SNTG1: variants seen among roughly 807,000 people sequenced by gnomAD.
The protein encoded by SNTG1 is syntrophin gamma 1, also known as gamma-1-syntrophin.
In SNTG1, 39 loss-of-function variants were observed where a neutral mutation model predicts 74.7. That is an observed-to-expected ratio of 0.52 (90% CI 0.40 to 0.68). The LOEUF is 0.68. SNTG1 is among the 30% of genes least tolerant of loss of function. The pLI is 0.00. For missense variants in SNTG1, 685 were observed against 609.5 expected (o/e 1.12, Z -1.30); for synonymous variants, 254 against 217.1 (o/e 1.17, Z -1.49).
intron 1 of SNTG1, among the ~76,000 whole-genome samples, chr8:49,956,785 A>G (rs1810215733): frequency 6.6e-6 from 1 of 152,136 alleles, no homozygotes; most frequent in South Asian, 2.1e-4. Flanking sequence ...AAACAAAGAA[A>G]AAAAATGGGA....
intron 2 of SNTG1, among the ~76,000 whole-genome samples, chr8:50,197,842 C>T (rs1394848219): frequency 6.6e-6 from 1 of 151,946 alleles, no homozygotes; most frequent in Non-Finnish European, 1.5e-5. Flanking sequence ...CTATTTTTCC[C>T]GTTGGTTTTA....
At chr8:50,507,581 A>AT (rs1440970634) in intron 9 of SNTG1, among the ~76,000 whole-genome samples, 13 of 151,522 alleles carry the variant, frequency 8.6e-5, no homozygotes, top group Non-Finnish European at 1.6e-4. Flanking sequence ...AAGGTTATCT[A>AT]TTTTTTCTAG....
chr8:49,949,146 C>T (rs886701636), intron 1 of SNTG1, among the ~76,000 whole-genome samples: 1 of 152,180 alleles, frequency 6.6e-6, no homozygotes, highest in Non-Finnish European at 1.5e-5. Context: ...AAAAGTTGCT[C>T]TTCTTAGGAA....
At chr8:49,936,182 G>A (rs1181106462) in intron 1 of SNTG1, among the ~76,000 whole-genome samples, 1 of 152,176 alleles carries the variant, frequency 6.6e-6, no homozygotes, top group Non-Finnish European at 1.5e-5. Flanking sequence ...CTTAGTGCAG[G>A]CATAAGGACC....
chr8:50,508,331 T>A (rs1008906034), intron 9 of SNTG1, among the ~76,000 whole-genome samples: 3 of 152,230 alleles, frequency 2.0e-5, no homozygotes, highest in Non-Finnish European at 4.4e-5. Context: ...TGTTGGATAT[T>A]TGGCTTGGTT....
chr8:50,019,119 A>C (rs1816602413), intron 1 of SNTG1, among the ~76,000 whole-genome samples: 1 of 151,986 alleles, frequency 6.6e-6, no homozygotes, highest in Non-Finnish European at 1.5e-5. Flanking sequence ...ATTATTTTGT[A>C]ATTGATGAGA....
intron 1 of SNTG1, among the ~76,000 whole-genome samples, chr8:49,980,405 G>GT (rs1189475927): frequency 6.7e-6 from 1 of 150,266 alleles, no homozygotes; most frequent in East Asian, 2.0e-4. Flanking sequence ...ACATGCGCTT[G>GT]TAAGTACACA....
intron 1 of SNTG1, among the ~76,000 whole-genome samples, chr8:49,913,222 G>A (rs796173952): frequency 1.3e-4 from 20 of 152,254 alleles, no homozygotes; most frequent in African/African-American, 4.6e-4. Context: ...TTGCAAGGAT[G>A]GAATTTTACA....
chr8:50,702,340 A>G (rs1236289533), intron 15 of SNTG1, among the ~76,000 whole-genome samples: 1 of 152,186 alleles, frequency 6.6e-6, no homozygotes, highest in African/African-American at 2.4e-5. Context: ...CAGACAGAGT[A>G]GGAAAATCAA....
chr8:50,373,737 AT>A (rs1256818456), intron 2 of SNTG1, among the ~76,000 whole-genome samples: 1 of 152,082 alleles, frequency 6.6e-6, no homozygotes, highest in Non-Finnish European at 1.5e-5. Context: ...GCTAAATATT[AT>A]TTTTTCTCTA....
intron 17 of SNTG1, among the ~76,000 whole-genome samples, chr8:50,743,389 G>T (rs778976739): frequency 1.3e-4 from 19 of 151,876 alleles, no homozygotes; most frequent in Non-Finnish European, 2.4e-4. Context: ...TTAATAGAAT[G>T]AAGTTTAAAT....
At chr8:50,761,235 G>A (rs997353293) in intron 18 of SNTG1, among the ~76,000 whole-genome samples, 37 of 151,980 alleles carry the variant, frequency 2.4e-4, no homozygotes, top group Middle Eastern at 3.4e-3. Context: ...ATCAATAAAC[G>A]TTAATTCTTC....
At chr8:50,156,177 A>G (rs1314148662) in intron 1 of SNTG1, among the ~76,000 whole-genome samples, 3 of 152,134 alleles carry the variant, frequency 2.0e-5, no homozygotes, top group Non-Finnish European at 2.9e-5. Context: ...AGTTGGCTTC[A>G]TTAGTCAACT....
intron 2 of SNTG1, among the ~76,000 whole-genome samples, chr8:50,270,840 TAG>T (rs2087740542): frequency 1.3e-5 from 2 of 152,290 alleles, no homozygotes; most frequent in East Asian, 3.9e-4. Flanking sequence ...CTGGTAAGAA[TAG>T]AGTTTCAATA....
chr8:50,032,781 A>C (rs1207401317), intron 1 of SNTG1, among the ~76,000 whole-genome samples: 2 of 152,194 alleles, frequency 1.3e-5, no homozygotes, highest in Admixed American at 6.5e-5. Flanking sequence ...ATCTTTTAAC[A>C]CTATACATAT....
At chr8:50,391,095 T>A (rs939079885) in intron 2 of SNTG1, among the ~76,000 whole-genome samples, 8 of 152,146 alleles carry the variant, frequency 5.3e-5, no homozygotes, top group South Asian at 2.1e-4. Flanking sequence ...TGGCCAGAAC[T>A]TCCAACACTG....
At chr8:50,198,698 G>T (rs145268398) in intron 2 of SNTG1, among the ~76,000 whole-genome samples, 1 of 152,190 alleles carries the variant, frequency 6.6e-6, no homozygotes, top group East Asian at 1.9e-4. Context: ...GAATTTTTAG[G>T]TTCAGAAGCT....
chr8:50,086,308 G>A (rs1464195851), intron 1 of SNTG1, among the ~76,000 whole-genome samples: 25 of 152,256 alleles, frequency 1.6e-4, no homozygotes, highest in African/African-American at 6.0e-4. Context: ...ACAACCATGG[G>A]TACAGAGGAA....
intron 13 of SNTG1, among the ~76,000 whole-genome samples, chr8:50,593,878 T>C (rs2094709512): frequency 6.6e-6 from 1 of 151,836 alleles, no homozygotes. Flanking sequence ...CCACCACGCC[T>C]GGATAATTTT....
Sources: gnomAD v4.1 joint callset for allele counts (sites outside exome capture counted in the v4.1 genomes callset) on GRCh38, gnomAD v4.1.1 for gene constraint, MANE v1.5 for transcripts, NCBI Gene and HGNC (gene_info 2026-07-23, HGNC 2026-07-21) for gene names.